Variants in KLHDC1 observed in about 807,000 individuals in gnomAD.
The protein encoded by KLHDC1 is kelch domain containing 1, also known as kelch domain-containing protein 1.
KLHDC1 carries 53 observed loss-of-function variants against 68.3 expected under a neutral mutation model. That is an observed-to-expected ratio of 0.78 (90% confidence interval 0.62 to 0.98). The LOEUF is 0.98. KLHDC1 is among the 50% of genes least tolerant of loss of function. KLHDC1 has a pLI of 0.00. For synonymous variants in KLHDC1, 148 were observed against 159.0 expected (o/e 0.93, Z 0.52); for missense variants, 470 against 492.3 (o/e 0.95, Z 0.43).
intron 1 of KLHDC1, among the ~76,000 whole-genome samples, chr14:49,706,722 T>G (rs978722494): frequency 6.6e-6 from 1 of 152,182 alleles, no homozygotes; most frequent in African/African-American, 2.4e-5. Context: ...TTGCACTTAT[T>G]TGATGATCAG....
At chr14:49,734,455 T>C in intron 9 of KLHDC1, 134 bp from the exon 10 acceptor site, 1 of 467,854 alleles carries the variant, frequency 2.1e-6, no homozygotes, top group Non-Finnish European at 3.8e-6. Flanking sequence ...TTGTAAATGT[T>C]TGAAAATTTG....
At chr14:49,716,745 A>G (rs944585907) in intron 4 of KLHDC1, among the ~76,000 whole-genome samples, 2 of 152,112 alleles carry the variant, frequency 1.3e-5, no homozygotes, top group Admixed American at 1.3e-4. Context: ...CATTTTAACT[A>G]TATTAAGTGT....
chr14:49,707,977 T>TA (rs1306365440), intron 1 of KLHDC1, among the ~76,000 whole-genome samples: 1 of 151,588 alleles, frequency 6.6e-6, no homozygotes. Context: ...TTAAAGAACA[T>TA]ACAATGAGAA....
intron 4 of KLHDC1, among the ~76,000 whole-genome samples, chr14:49,721,467 A>C (rs937618132): frequency 6.6e-6 from 1 of 152,050 alleles, no homozygotes; most frequent in African/African-American, 2.4e-5. Context: ...TATATGCCAG[A>C]TCTTCTGTCT....
chr14:49,727,183 G>A (rs1432739757), intron 6 of KLHDC1, among the ~76,000 whole-genome samples: 1 of 152,084 alleles, frequency 6.6e-6, no homozygotes, highest in Non-Finnish European at 1.5e-5. Context: ...GGGAGGCGGA[G>A]GTTGCAGTGA....
intron 4 of KLHDC1, among the ~76,000 whole-genome samples, chr14:49,715,596 T>G (rs1888348340): frequency 6.6e-6 from 1 of 150,398 alleles, no homozygotes; most frequent in African/African-American, 2.4e-5. Flanking sequence ...AATACAAAAA[T>G]TAGCTGGGTG....
intron 8 of KLHDC1, among the ~76,000 whole-genome samples, chr14:49,731,285 T>TA (rs556503933): frequency 7.3e-5 from 11 of 151,644 alleles, no homozygotes; most frequent in Non-Finnish European, 1.0e-4. Flanking sequence ...CCTCAAAAAA[T>TA]AAAAAAAAGT....
intron 1 of KLHDC1, among the ~76,000 whole-genome samples, chr14:49,695,527 T>C (rs549214679): frequency 6.6e-6 from 1 of 152,218 alleles, no homozygotes; most frequent in Non-Finnish European, 1.5e-5. Context: ...AGAGACATGC[T>C]GTCATCCAGG....
At chr14:49,723,582 T>C (rs925768886) in intron 4 of KLHDC1, among the ~76,000 whole-genome samples, 1 of 152,112 alleles carries the variant, frequency 6.6e-6, no homozygotes, top group Non-Finnish European at 1.5e-5. Flanking sequence ...CCAATATAAA[T>C]GTAGCTGTTA....
chr14:49,707,202 C>T (rs1367792268), intron 1 of KLHDC1, among the ~76,000 whole-genome samples: 2 of 151,284 alleles, frequency 1.3e-5, no homozygotes, highest in Non-Finnish European at 2.9e-5. Context: ...TTTGCACCAT[C>T]TATTGAAAAG....
At chr14:49,702,642 T>C (rs907088536) in intron 1 of KLHDC1, among the ~76,000 whole-genome samples, 10 of 152,196 alleles carry the variant, frequency 6.6e-5, no homozygotes, top group Admixed American at 6.6e-4. Context: ...ATATAAGATA[T>C]GTAACTTGTT....
chr14:49,737,640 G>A (rs1290384405), intron 10 of KLHDC1, among the ~76,000 whole-genome samples: 3 of 151,752 alleles, frequency 2.0e-5, no homozygotes, highest in Non-Finnish European at 4.4e-5. Context: ...CAAGGTGAGA[G>A]GATTGCTTAA....
chr14:49,731,539 G>A (rs1274220473), intron 8 of KLHDC1, among the ~76,000 whole-genome samples: 3 of 151,752 alleles, frequency 2.0e-5, no homozygotes, highest in Non-Finnish European at 2.9e-5. Flanking sequence ...GCGCGACCTC[G>A]GCTCACTACA....
At chr14:49,749,042 TC>T (rs563878689) in intron 12 of KLHDC1, among the ~76,000 whole-genome samples, 144 of 151,952 alleles carry the variant, frequency 9.5e-4, no homozygotes, top group Non-Finnish European at 1.6e-3. Context: ...CTCATGATCC[TC>T]CCGCCTCGGC....
intron 10 of KLHDC1, among the ~76,000 whole-genome samples, chr14:49,738,347 T>G (rs1888981533): frequency 6.6e-6 from 1 of 150,576 alleles, no homozygotes. Context: ...TTTTTGTTTT[T>G]TTTTTTTTTG....
At chr14:49,747,555 G>A (rs1889230277) in intron 12 of KLHDC1, among the ~76,000 whole-genome samples, 1 of 152,158 alleles carries the variant, frequency 6.6e-6, no homozygotes, top group Non-Finnish European at 1.5e-5. Context: ...TTAAAATAGT[G>A]GAGAAAGAAG....
intron 4 of KLHDC1, among the ~76,000 whole-genome samples, chr14:49,723,087 CAAAAAAAAAAAAAAAA>C (rs144318637): frequency 1.8e-5 from 1 of 54,754 alleles, no homozygotes; most frequent in East Asian, 6.2e-4. Context: ...GACTCTGTCT[CAAAAAAAAAAAAAAAA>C]AAAAAAAAAA....
intron 5 of KLHDC1, 193 bp from the exon 6 acceptor site, chr14:49,725,493 A>G: frequency 2.3e-6 from 1 of 440,506 alleles, no homozygotes; most frequent in Non-Finnish European, 4.1e-6. Flanking sequence ...AAAAGTTGCC[A>G]GGTGGTGCTG....
At position 49,705,513 on chromosome 14, in the gene KLHDC1, C is replaced by T. The variant is rs550187627; in HGVS notation, c.97-3646C>T. On this transcript the variant is annotated intron_variant, in intron 1 of 12. Transcript: ENST00000359332. Reference sequence around the variant, plus strand: ...CCTCCTGAATAGCTAAGACTATAGGCGCCCGCCACCACACCTGGCTAATTT... The same window carrying T: ...CCTCCTGAATAGCTAAGACTATAGGTGCCCGCCACCACACCTGGCTAATTT... 5.3e-5 allele frequency among the ~76,000 whole-genome samples: 8 copies of T among 151,572 alleles called. No homozygotes were observed. The East Asian group carries it at 1.4e-3, about 26-fold the overall frequency.
Sources: gnomAD v4.1 joint callset for allele counts (sites outside exome capture counted in the v4.1 genomes callset) on GRCh38, gnomAD v4.1.1 for gene constraint, MANE v1.5 for transcripts, NCBI Gene and HGNC (gene_info 2026-07-23, HGNC 2026-07-21) for gene names.